Variants in VIM observed in about 807,000 individuals in gnomAD.
VIM encodes the protein epididymis secretory sperm binding protein.
VIM carries 18 observed loss-of-function variants against 50.3 expected under a neutral mutation model. The ratio of observed to expected loss-of-function variants is 0.36; its 90% CI spans 0.25 to 0.53. VIM has a LOEUF of 0.53. VIM is among the 20% of genes least tolerant of loss of function. The pLI, the probability that VIM is intolerant of heterozygous loss-of-function variation, is 0.91. For synonymous variants in VIM, 245 were observed against 248.5 expected (o/e 0.99, Z 0.13); for missense variants, 551 against 614.7 (o/e 0.90, Z 1.10).
chr10:17,233,495 C>A, intron 3 of VIM, 92 bp from the exon 4 acceptor site: 1 of 1,273,294 alleles, frequency 7.9e-7, no homozygotes, highest in Non-Finnish European at 1.1e-6. Context: ...AGTAAGGAGA[C>A]TAGGTTCAGA....
chr10:17,230,451 C>A, intron 2 of VIM, 199 bp from the exon 3 acceptor site: 1 of 702,430 alleles, frequency 1.4e-6, no homozygotes. Context: ...GTGCGGCCAC[C>A]GTGATTGCCC....
Position 17,235,391 on chromosome 10 carries a change from T to C in VIM, c.1229+2T>C, listed in dbSNP as rs1846870203. On this transcript the variant is annotated splice_donor_variant, in intron 7 of 9. Coordinates refer to ENST00000544301, the MANE Select transcript of VIM (RefSeq NM_003380.5). LOFTEE classifies it high-confidence loss of function. Reference sequence around the variant, plus strand: ...GCTGCTGGAAGGCGAGGAGAGCAGGTAGGGAACTCAGACTTGGATGCGTGA... The same window carrying C: ...GCTGCTGGAAGGCGAGGAGAGCAGGCAGGGAACTCAGACTTGGATGCGTGA... 1.9e-6 allele frequency: 3 copies of C among 1,613,970 alleles called. No homozygotes were observed. Among genetic ancestry groups the C allele is most frequent in the Non-Finnish European group, 2.5e-6 (3 of 1,180,030 alleles).
chr10:17,234,071 C>T, intron 5 of VIM, 140 bp downstream of exon 5: 2 of 985,566 alleles, frequency 2.0e-6, no homozygotes, highest in South Asian at 2.8e-5. Flanking sequence ...TGTTTGCCAC[C>T]ACAGCCTCCC....
intron 9 of VIM, 75 bp from the exon 10 acceptor site, chr10:17,237,155 T>TA (rs988512929): frequency 4.1e-5 from 53 of 1,304,844 alleles, no homozygotes; most frequent in Admixed American, 1.2e-4. Flanking sequence ...AGGATTTTTA[T>TA]TTGCCGTGAT....
chr10:17,233,389 ATATAT>A lies in VIM; in HGVS notation c.625-195_625-191del, dbSNP rs538881906. 3 of 586,624 alleles carry A rather than the reference ATATAT, an allele frequency of 5.1e-6. No individual in the cohort carries two copies. In the South Asian group the frequency reaches 5.9e-5, roughly 12 times the overall value. The allele number at this position is 586,624 out of a possible 1,614,324, so 36.3% of individuals were successfully genotyped here. The stretch of plus-strand genomic sequence containing the variant: ...TAAAACACAAGCAGTCACAATTAAA[ATATAT>A]TAGTGAGCAGGAGAAAGCACAGCAT... On this transcript the variant is annotated intron_variant, in intron 3 of 9. Coordinates refer to ENST00000544301, the MANE Select transcript of VIM (RefSeq NM_003380.5).
At chr10:17,232,951 ATTACT>A (rs1402701038) in intron 3 of VIM, among the ~76,000 whole-genome samples, 38 of 152,186 alleles carry the variant, frequency 2.5e-4, no homozygotes, top group Non-Finnish European at 5.1e-4. Context: ...AATTAAATGA[ATTACT>A]TTATTTTTTG....
chr10:17,234,168 T>G (rs1158013046), intron 5 of VIM: 1 of 488,970 alleles, frequency 2.0e-6, no homozygotes, highest in East Asian at 4.1e-5. Context: ...CAGGCTGGAG[T>G]GCAGTGGCAA....
Position 17,233,626 on chromosome 10 carries a change from C to T in VIM, c.664C>T (p.Arg222Cys), listed in dbSNP as rs1304135302. 2.5e-6 allele frequency: 4 copies of T among 1,614,190 alleles called. No individual in the cohort carries two copies. The highest frequency in any genetic ancestry group is 3.4e-6 in the Non-Finnish European group (4 of 1,180,034). Residue 222 changes from arginine to cysteine, a missense_variant, in exon 4 of 10, where the codon CGC becomes TGC. Around this residue, in one of 3 missense-constraint regions of VIM, gnomAD observed 394 missense variants for 437.5 expected, o/e 0.90. Transcript: ENST00000544301. Reference protein sequence around the residue: ...NASLARLDLERKVESLQEEIA... With the variant: ...NASLARLDLECKVESLQEEIA... ...GTCTCTGGCACGTCTTGACCTTGAA[C>T]GCAAAGTGGAATCTTTGCAAGAAGA...
chr10:17,235,204 A>G lies in VIM; in HGVS notation c.1044A>G (p.Glu348=). Residue 348 remains glutamate (E), a synonymous_variant, in exon 7 of 10, where the codon GAA becomes GAG. Transcript: ENST00000544301. The stretch of plus-strand genomic sequence containing the variant: ...TGGAACGCCAGATGCGTGAAATGGA[A>G]GAGAACTTTGCCGTTGAAGCTGCTA... The part of the protein sequence containing the change: ...ESLERQMREM[E]ENFAVEAANY... 1 of 1,614,162 alleles carries G rather than the reference A, an allele frequency of 6.2e-7. No homozygotes were observed. The highest frequency in any genetic ancestry group is 8.5e-7 in the Non-Finnish European group (1 of 1,179,970).
chr10:17,230,322 C>T (rs1270618889), intron 2 of VIM: 1 of 568,406 alleles, frequency 1.8e-6, no homozygotes, highest in Admixed American at 3.1e-5. Context: ...AGTTTCCTGC[C>T]CCTTCTGGCA....
intron 3 of VIM, among the ~76,000 whole-genome samples, chr10:17,232,968 G>A (rs896653135): frequency 2.6e-5 from 4 of 152,144 alleles, no homozygotes; most frequent in African/African-American, 9.7e-5. Flanking sequence ...TATTTTTTGA[G>A]ACAGAGTGTC....
rs1363228886 is a variant in VIM at position 17,230,681 on chromosome 10, G to A, written c.595G>A (p.Ala199Thr). 13 of 1,614,066 alleles carry A rather than the reference G, an allele frequency of 8.1e-6. No homozygotes were observed. Among genetic ancestry groups the A allele is most frequent in the African/African-American group, 1.3e-5 (1 of 74,938 alleles). Residue 199 changes from alanine to threonine, a missense_variant, in exon 3 of 10, where the codon GCC becomes ACC. Physicochemically the swap from Ala to Thr is moderately conservative, Grantham distance 58 (BLOSUM62 0). Around this residue, in one of 3 missense-constraint regions of VIM, gnomAD observed 394 missense variants for 437.5 expected, o/e 0.90. Coordinates refer to ENST00000544301, the MANE Select transcript of VIM (RefSeq NM_003380.5). ...LQEEMLQREE[A>T]ENTLQSFRQD... ...GGAGGAGATGCTTCAGAGAGAGGAAGCCGAAAACACCCTGCAATCTTTCAG... is the reference window on the plus strand; with the variant it reads ...GGAGGAGATGCTTCAGAGAGAGGAAACCGAAAACACCCTGCAATCTTTCAG...
Position 17,237,461 on chromosome 10 carries a change from A to G in VIM, c.*190A>G, listed in dbSNP as rs1479628564. ...GATTTAGAAAAAAGTTTACAACATA[A>G]TCTAGTTTACAGAAAAATCTTGTGC... On this transcript the variant is annotated 3_prime_UTR_variant, in exon 10 of 10. Transcript: ENST00000544301. 1.4e-5 allele frequency: 8 copies of G among 584,254 alleles called. No homozygotes were observed. The highest frequency in any genetic ancestry group is 5.3e-5 in the South Asian group (2 of 37,626). 36.2% of individuals were successfully genotyped at this position (584,254 alleles called of 1,614,324 possible). A position where few individuals can be genotyped will look rare whatever the true frequency, so the allele number is the denominator to read the frequency against.
intron 3 of VIM, chr10:17,231,044 A>G (rs1386281974): frequency 4.4e-6 from 1 of 228,832 alleles, no homozygotes; most frequent in Non-Finnish European, 8.8e-6. Flanking sequence ...TTGGGACATA[A>G]AGAAAAATCT....
At position 17,233,933 on chromosome 10, in the gene VIM, T is replaced by C; in HGVS notation, c.882+2T>C. 1 of 1,612,566 alleles carries C rather than the reference T, an allele frequency of 6.2e-7. No homozygotes were observed. Among genetic ancestry groups the C allele is most frequent in the South Asian group, 1.1e-5 (1 of 90,786 alleles). On this transcript the variant is annotated splice_donor_variant, in intron 5 of 9. Coordinates refer to ENST00000544301, the MANE Select transcript of VIM (RefSeq NM_003380.5). LOFTEE classifies it high-confidence loss of function. ...GCAGAAGAATGGTACAAATCCAAGG[T>C]AGGAAACAAATCAGTGCGGCTTCAA... is the stretch of plus-strand genomic sequence containing the variant.
rs1370219930 is a variant in VIM, at chr10:17,230,995, C to G, written c.624+285C>G. 1.3e-5 allele frequency: 5 copies of G among 397,818 alleles called. No individual in the cohort carries two copies. In the Admixed American group the frequency reaches 2.0e-4, roughly 16 times the overall value. 24.6% of individuals were successfully genotyped at this position (397,818 alleles called of 1,614,324 possible). A position where few individuals can be genotyped will look rare whatever the true frequency, so the allele number is the denominator to read the frequency against. ...TTGGCTCACTGCATCCTCCGCCTCC[C>G]GGGTTCAAGCGATCCTTGAATGATT... On this transcript the variant is annotated intron_variant, in intron 3 of 9. Transcript: ENST00000544301.
At chr10:17,233,306 A>G (rs1475573331) in intron 3 of VIM, 1 of 417,854 alleles carries the variant, frequency 2.4e-6, no homozygotes, top group Non-Finnish European at 4.5e-6. Context: ...GATTGAGTGC[A>G]GTTTACCATG....
Position 17,233,831 on chromosome 10 carries a change from C to T in VIM, c.782C>T (p.Ser261Phe), listed in dbSNP as rs1480960201. 6.2e-7 allele frequency: 1 copy of T among 1,614,180 alleles called. No homozygotes were observed. The highest frequency in any genetic ancestry group is 8.5e-7 in the Non-Finnish European group (1 of 1,180,024). ...CATGTCCAAATCGATGTGGATGTTT[C>T]CAAGCCTGACCTCACGGCTGCCCTG... The part of the protein sequence containing the change: ...EQHVQIDVDV[S>F]KPDLTAALRD... Residue 261 changes from serine to phenylalanine, a missense_variant, in exon 5 of 10, where the codon TCC (serine) becomes TTC (phenylalanine). Physicochemically the swap from Ser to Phe is radical, Grantham distance 155. Coordinates refer to ENST00000544301, the MANE Select transcript of VIM (RefSeq NM_003380.5).
At position 17,233,606 on chromosome 10, in the gene VIM, T is replaced by C; in HGVS notation, c.644T>C (p.Leu215Pro). The C allele has an allele frequency of 6.2e-7, 1 of 1,614,252 alleles. No individual in the cohort carries two copies. The highest frequency in any genetic ancestry group is 1.1e-5 in the South Asian group (1 of 91,084). The stretch of plus-strand genomic sequence containing the variant: ...AAATAGGATGTTGACAATGCGTCTC[T>C]GGCACGTCTTGACCTTGAACGCAAA... Reference protein sequence around the residue: ...SFRQDVDNASLARLDLERKVE... With the variant: ...SFRQDVDNASPARLDLERKVE... Residue 215 changes from leucine to proline, a missense_variant, in exon 4 of 10, where the codon CTG (leucine) becomes CCG (proline). Coordinates refer to ENST00000544301, the MANE Select transcript of VIM (RefSeq NM_003380.5).
Sources: gnomAD v4.1 joint callset for allele counts (sites outside exome capture counted in the v4.1 genomes callset) on GRCh38, gnomAD v4.1.1 for gene constraint, gnomAD v4.1.1 regional missense constraint, MANE v1.5 for transcripts, NCBI Gene and HGNC (gene_info 2026-07-23, HGNC 2026-07-21) for gene names.